OSBPL3: variants seen among roughly 807,000 people sequenced by gnomAD.
The protein encoded by OSBPL3 is oxysterol binding protein like 3.
OSBPL3 carries 65 observed loss-of-function variants against 120.1 expected under a neutral mutation model. The ratio of observed to expected loss-of-function variants is 0.54; its 90% CI spans 0.44 to 0.67. OSBPL3 has a LOEUF of 0.67. Among genes scored for constraint, OSBPL3 ranks in the 30% least tolerant of loss-of-function variants. OSBPL3 has a pLI of 0.00. For synonymous variants in OSBPL3, 416 were observed against 402.6 expected, an observed-to-expected ratio of 1.03 and a Z score of -0.40; for missense variants, 1,004 against 1,082.1, an observed-to-expected ratio of 0.93 and a Z score of 1.01.
chr7:24,830,816 T>G lies in OSBPL3; in HGVS notation c.1836A>C (p.Thr612=). Residue 612 remains threonine, a synonymous_variant, in exon 16 of 23, where the codon ACA becomes ACC. Transcript: ENST00000313367. This position sits in a 1 kb window ranked among gnomAD's most constrained non-coding sequence, Gnocchi z 4.4. The part of the protein sequence containing the change: ...SKPFNPVLGE[T]YECIREDKGF... ...CCTTGTCCTCCCGAATACATTCATA[T>G]GTTTCTCCAAGAACCGGATTAAATG... 3 of 1,614,166 alleles carry G rather than the reference T, an allele frequency of 1.9e-6. No homozygotes were observed. Among genetic ancestry groups the G allele is most frequent in the Non-Finnish European group, 2.5e-6 (3 of 1,180,012 alleles).
At position 24,804,903 on chromosome 7, in the gene OSBPL3, T is replaced by C. The variant is rs1369158720; in HGVS notation, c.2445-466A>G. ...TTTATTTAACAATATATCTTACAGA[T>C]CTTTCCATGGATGTACATACATCTT... On this transcript the variant is annotated intron_variant, in intron 21 of 22. Coordinates refer to ENST00000313367, the MANE Select transcript of OSBPL3 (RefSeq NM_015550.4). This position sits in a 1 kb window ranked among gnomAD's most constrained non-coding sequence, Gnocchi z 5.4. Among the ~76,000 whole-genome samples, 1 of 152,230 alleles carries C rather than the reference T, an allele frequency of 6.6e-6. No homozygotes were observed. The highest frequency in any genetic ancestry group is 1.9e-4 in the East Asian group (1 of 5,202).
rs561397178 is a variant in OSBPL3 at position 24,937,857 on chromosome 7, C to T, written c.-150+42029G>A. On this transcript the variant is annotated intron_variant, in intron 1 of 22. Coordinates refer to ENST00000313367, the MANE Select transcript of OSBPL3 (RefSeq NM_015550.4). This position sits in a 1 kb window ranked among gnomAD's most constrained non-coding sequence, Gnocchi z 4.0. ...TTGAACAAATTTGTGAGTGTAGAAA[C>T]GATATTCTTGTTCTGGTTTTATATT... is the stretch of plus-strand genomic sequence containing the variant. Among the ~76,000 whole-genome samples, 4 of 152,232 alleles carry T rather than the reference C, an allele frequency of 2.6e-5. No individual in the cohort carries two copies. The highest frequency in any genetic ancestry group is 2.1e-4 in the South Asian group (1 of 4,824).
At chr7:24,969,790 C>T (rs1222079117) in intron 1 of OSBPL3, among the ~76,000 whole-genome samples, 1 of 152,136 alleles carries the variant, frequency 6.6e-6, no homozygotes, top group Non-Finnish European at 1.5e-5. Context: ...CAGTTCAGGT[C>T]TCATCACTTT....
rs1491020908 is a variant in OSBPL3, at chr7:24,828,620, AAG to A, written c.1884+2146_1884+2147del. ...AGACTCTGTCTGAAAAAAAAAAAAA[AAG>A]AAAAAAAAAAAAAAGGCATCGTAGA... On this transcript the variant is annotated intron_variant, in intron 16 of 22. Transcript: ENST00000313367. Among the ~76,000 whole-genome samples, 520 of 121,696 alleles carry A rather than the reference AAG, an allele frequency of 4.3e-3. 27 individuals are homozygous for A. Among genetic ancestry groups the A allele is most frequent in the Non-Finnish European group, 5.3e-3 (332 of 63,220 alleles). 79.8% of individuals were successfully genotyped at this position (121,696 alleles called of 152,430 possible). A position where few individuals can be genotyped will look rare whatever the true frequency, so the allele number is the denominator to read the frequency against.
At chr7:24,911,239 C>A (rs1236303023) in intron 1 of OSBPL3, among the ~76,000 whole-genome samples, 1 of 152,216 alleles carries the variant, frequency 6.6e-6, no homozygotes, top group African/African-American at 2.4e-5. Context: ...CACCCAAGAA[C>A]TTAAAATAAC....
Position 24,800,981 on chromosome 7 carries a change from G to A in OSBPL3, c.2568-702C>T, listed in dbSNP as rs369550909. On this transcript the variant is annotated intron_variant, in intron 22 of 22. Coordinates refer to ENST00000313367, the MANE Select transcript of OSBPL3 (RefSeq NM_015550.4). ...AAGGAGGCCGGGTGTGGTGGCTCACGCCTGTAATCTCGGTACTTTGGGAGG... is the reference window on the plus strand; with the variant it reads ...AAGGAGGCCGGGTGTGGTGGCTCACACCTGTAATCTCGGTACTTTGGGAGG... Among the ~76,000 whole-genome samples, 30 of 148,138 alleles carry A rather than the reference G, an allele frequency of 2.0e-4. 1 individual carries two copies. Among genetic ancestry groups the A allele is most frequent in the Admixed American group, 8.1e-4 (12 of 14,778 alleles).
intron 22 of OSBPL3, among the ~76,000 whole-genome samples, chr7:24,800,649 G>T (rs1792208764): frequency 6.6e-6 from 1 of 151,814 alleles, no homozygotes; most frequent in South Asian, 2.1e-4. Context: ...TAGAGACGGG[G>T]TTTCACCATG....
chr7:24,865,199 G>A (rs1239691234), intron 7 of OSBPL3, 143 bp downstream of exon 7: 2 of 764,890 alleles, frequency 2.6e-6, no homozygotes, highest in Admixed American at 4.8e-5. Flanking sequence ...TTTTGTTGAT[G>A]ATGGGTGCAA....
In OSBPL3 at chr7:24,834,441, T is replaced by C. The variant is rs764920148; in HGVS notation, c.1746+45A>G. On this transcript the variant is annotated intron_variant, in intron 15 of 22. Coordinates refer to ENST00000313367, the MANE Select transcript of OSBPL3 (RefSeq NM_015550.4). The surrounding 1 kb of genome is among the most constrained non-coding windows in gnomAD (Gnocchi z 5.2). ...GGGCCCCGTGAATGGCCTCGTGGCT[T>C]GGGGACCGAGGCTGGACAGTGGCAA... 6.6e-5 allele frequency: 104 copies of C among 1,573,116 alleles called. No individual in the cohort carries two copies. The highest frequency in any genetic ancestry group is 8.3e-5 in the South Asian group (7 of 84,140).
In OSBPL3 at chr7:24,938,431, C is replaced by T. The variant is rs73276267; in HGVS notation, c.-150+41455G>A. ...TTTGTTATAGCAGCCTGAACTACTA[C>T]ATTGCCACATGAAAATCCACAGGTA... On this transcript the variant is annotated intron_variant, in intron 1 of 22. Coordinates refer to ENST00000313367, the MANE Select transcript of OSBPL3 (RefSeq NM_015550.4). The surrounding 1 kb of genome is among the most constrained non-coding windows in gnomAD (Gnocchi z 5.8). Among the ~76,000 whole-genome samples, 3,283 of 152,296 alleles carry T rather than the reference C, an allele frequency of 0.022. 55 individuals are homozygous for T. The highest frequency in any genetic ancestry group is 0.054 in the Middle Eastern group (16 of 294).
rs1811946481 is a variant in OSBPL3, at chr7:24,932,809, C to T, written c.-149-40188G>A. ...TAAGACAGGGGCAAAGACCAAACTG[C>T]CTTATATTCAAGCATTTGAAATGTT... On this transcript the variant is annotated intron_variant, in intron 1 of 22. Coordinates refer to ENST00000313367, the MANE Select transcript of OSBPL3 (RefSeq NM_015550.4). This position sits in a 1 kb window ranked among gnomAD's most constrained non-coding sequence, Gnocchi z 5.6. Among the ~76,000 whole-genome samples the T allele has an allele frequency of 6.6e-6, 1 of 152,222 alleles. No individual in the cohort carries two copies. The highest frequency in any genetic ancestry group is 1.5e-5 in the Non-Finnish European group (1 of 68,028).
In OSBPL3 at chr7:24,871,687, A is replaced by T; in HGVS notation, c.267+55T>A. On this transcript the variant is annotated intron_variant, in intron 4 of 22. Coordinates refer to ENST00000313367, the MANE Select transcript of OSBPL3 (RefSeq NM_015550.4). The surrounding 1 kb of genome is among the most constrained non-coding windows in gnomAD (Gnocchi z 4.8). ...TATACACACTCTCATCTCTGAGCTG[A>T]TGGTTACCCCTTTAGGATTCTTCAA... is the stretch of plus-strand genomic sequence containing the variant. 3.9e-6 allele frequency: 5 copies of T among 1,285,564 alleles called. No individual in the cohort carries two copies. The highest frequency in any genetic ancestry group is 5.6e-6 in the Non-Finnish European group (5 of 885,952). The allele number at this position is 1,285,564 out of a possible 1,614,324, so 79.6% of individuals were successfully genotyped here.
intron 2 of OSBPL3, among the ~76,000 whole-genome samples, 172 bp downstream of exon 2, chr7:24,892,205 C>T (rs1805452620): frequency 6.6e-6 from 1 of 152,158 alleles, no homozygotes. Flanking sequence ...ACCTGGTAGG[C>T]ACACATTATT....
intron 1 of OSBPL3, among the ~76,000 whole-genome samples, chr7:24,929,236 T>C (rs1048778460): frequency 6.6e-6 from 1 of 152,204 alleles, no homozygotes; most frequent in African/African-American, 2.4e-5. Flanking sequence ...GAAATCTGTT[T>C]CGTTCAGTGT....
At chr7:24,839,849 G>A (rs1164757045) in intron 14 of OSBPL3, among the ~76,000 whole-genome samples, 1 of 151,646 alleles carries the variant, frequency 6.6e-6, no homozygotes, top group African/African-American at 2.4e-5. Flanking sequence ...ACTTAGCTGG[G>A]CATGGTGGTG....
intron 1 of OSBPL3, among the ~76,000 whole-genome samples, chr7:24,924,867 G>A (rs1054009921): frequency 1.3e-5 from 2 of 152,088 alleles, no homozygotes; most frequent in Non-Finnish European, 2.9e-5. Flanking sequence ...CATTTGTCCC[G>A]GCTCAGGTGG....
rs1195542277 is a variant in OSBPL3, at chr7:24,904,638, C to T, written c.-149-12017G>A. 3.9e-5 allele frequency among the ~76,000 whole-genome samples: 6 copies of T among 152,054 alleles called. No homozygotes were observed. The East Asian group carries it at 1.2e-3, about 29-fold the overall frequency. The stretch of plus-strand genomic sequence containing the variant: ...ATCACCGAACCAGTACCCCATACAG[C>T]TGTACATACAACAGAGTATTATTCA... On this transcript the variant is annotated intron_variant, in intron 1 of 22. Coordinates refer to ENST00000313367, the MANE Select transcript of OSBPL3 (RefSeq NM_015550.4).
At chr7:24,850,788 G>T (rs942953804) in intron 11 of OSBPL3, among the ~76,000 whole-genome samples, 10 of 152,172 alleles carry the variant, frequency 6.6e-5, no homozygotes, top group African/African-American at 2.4e-4. Flanking sequence ...GGCAGAAGAA[G>T]AAAACATGGC....
At chr7:24,844,287 C>T (rs1798130124) in intron 12 of OSBPL3, among the ~76,000 whole-genome samples, 1 of 152,204 alleles carries the variant, frequency 6.6e-6, no homozygotes, top group Non-Finnish European at 1.5e-5. Flanking sequence ...AACCTACAGC[C>T]CGGGCGCCAC....
Sources: gnomAD v4.1 joint callset for allele counts (sites outside exome capture counted in the v4.1 genomes callset) on GRCh38, gnomAD v4.1.1 for gene constraint, Gnocchi (gnomAD v3.1) non-coding constraint, MANE v1.5 for transcripts, NCBI Gene and HGNC (gene_info 2026-07-23, HGNC 2026-07-21) for gene names.